The following VSIG4 variants were observed in gnomAD, a reference collection of about 807,000 sequenced individuals.
The protein encoded by VSIG4 is V-set and immunoglobulin domain containing 4, also known as V-set and immunoglobulin domain-containing protein 4.
Under a neutral mutation model 23.4 loss-of-function variants are expected in VSIG4, and 34 were observed. The observed-to-expected ratio is 1.45, with a 90% CI of 1.10 to 1.93. The LOEUF is 1.93. VSIG4 is among the 30% of genes most tolerant of loss of function. VSIG4 has a pLI of 0.00. For synonymous variants in VSIG4, 169 were observed against 120.3 expected, an observed-to-expected ratio of 1.41 and a Z score of -2.65; for missense variants, 433 against 310.8, an observed-to-expected ratio of 1.39 and a Z score of -2.96.
At chrX:66,033,111 C>T (rs147670940) in intron 2 of VSIG4, among the ~76,000 whole-genome samples, 2,235 of 111,188 alleles carry the variant, frequency 0.02, 26 homozygotes, top group Non-Finnish European at 0.034. Flanking sequence ...TCCTGGCTAA[C>T]CTCTGCCTCC....
Position 66,028,043 on chromosome X carries a change from A to C in VSIG4, c.757+7T>G, listed in dbSNP as rs368257990. On this transcript the variant is annotated splice_region_variant and intron_variant, in intron 4 of 7. Coordinates refer to ENST00000374737, the MANE Select transcript of VSIG4 (RefSeq NM_007268.3). The stretch of plus-strand genomic sequence containing the variant: ...CTACTACTTCCTCAGACTCTAGCAA[A>C]ACTCACCTTTCAAGGGGTATGTCAT... 1 of 1,207,185 alleles carries C rather than the reference A, an allele frequency of 8.3e-7. No individual in the cohort carries two copies. Among genetic ancestry groups the C allele is most frequent in the African/African-American group, 1.8e-5 (1 of 57,050 alleles).
intron 1 of VSIG4, among the ~76,000 whole-genome samples, chrX:66,034,119 G>A (rs920201006): frequency 8.9e-6 from 1 of 111,897 alleles, no homozygotes; most frequent in Non-Finnish European, 1.9e-5. Flanking sequence ...TTCTTACCGT[G>A]GAAGATTCAT....
chrX:66,025,025 C>G lies in VSIG4; in HGVS notation c.940G>C (p.Glu314Gln), dbSNP rs2085373632. 1 of 1,179,008 alleles carries G rather than the reference C, an allele frequency of 8.5e-7. No individual in the cohort carries two copies. The highest frequency in any genetic ancestry group is 1.1e-6 in the Non-Finnish European group (1 of 876,479). The stretch of plus-strand genomic sequence containing the variant: ...CCACCTTCTCATATTCATCACTAAC[C>G]TTGTTGGGATGTCTTCCGACAGAGC... ...IMLCRKTSQQ[E>Q]HVYEAARAHA... The change falls in exon 6 of 8, where the codon GAG (glutamate) becomes CAG (glutamine). Residue 314 changes from glutamate to glutamine, a missense_variant and splice_region_variant. Physicochemically the swap from Glu to Gln is conservative, Grantham distance 29. Transcript: ENST00000374737.
chrX:66,037,817 A>G (rs1357843527), intron 1 of VSIG4, among the ~76,000 whole-genome samples: 2 of 64,606 alleles, frequency 3.1e-5, no homozygotes, highest in African/African-American at 2.7e-4. Context: ...TATATACAGT[A>G]TTGAGCTTAA....
intron 6 of VSIG4, among the ~76,000 whole-genome samples, chrX:66,023,908 G>T (rs1209175385): frequency 8.9e-6 from 1 of 112,338 alleles, no homozygotes; most frequent in Non-Finnish European, 1.9e-5. Context: ...CCTCATCAAG[G>T]CTATATGCAA....
chrX:66,025,119 C>A lies in VSIG4; in HGVS notation c.846G>T (p.Leu282=). The A allele has an allele frequency of 8.4e-7, 1 of 1,190,325 alleles. No individual in the cohort carries two copies. The highest frequency in any genetic ancestry group is 1.1e-6 in the Non-Finnish European group (1 of 884,340). ...GETSAGPGKS[L]PVFAIILIIS... ...TGATGAGGATGATGGCAAAGACAGG[C>A]AGGCTCTTTCCTAGAGGGTAAAACA... The change falls in exon 6 of 8, where the codon CTG becomes CTT. Residue 282 remains leucine, a synonymous_variant. Transcript: ENST00000374737.
rs756858127 is a variant in VSIG4, at chrX:66,022,399, T to C, written c.1064A>G (p.Asn355Ser). 1 of 1,212,117 alleles carries C rather than the reference T, an allele frequency of 8.3e-7. No homozygotes were observed. Among genetic ancestry groups the C allele is most frequent in the South Asian group, 1.8e-5 (1 of 57,029 alleles). Residue 355 changes from asparagine to serine, a missense_variant, in exon 8 of 8, where the codon AAC becomes AGC. Coordinates refer to ENST00000374737, the MANE Select transcript of VSIG4 (RefSeq NM_007268.3). ...TATGCAGGGCTCATCAGAGTAGTTG[T>C]TGCCCAGATTCTGGGAAGTTGGCTC... ...SDEPTSQNLG[N>S]NYSDEPCIGQ...
intron 1 of VSIG4, among the ~76,000 whole-genome samples, chrX:66,036,242 C>T: frequency 9.1e-6 from 1 of 109,716 alleles, no homozygotes; most frequent in Middle Eastern, 4.7e-3. Flanking sequence ...TCCTCTTCCT[C>T]CTCCTGCTTC....
chrX:66,031,927 G>A (rs1205870953), intron 3 of VSIG4, among the ~76,000 whole-genome samples: 1 of 111,782 alleles, frequency 8.9e-6, no homozygotes, highest in Non-Finnish European at 1.9e-5. Flanking sequence ...AATCAAACAA[G>A]CAAAACAATA....
intron 2 of VSIG4, 53 bp downstream of exon 2, chrX:66,033,421 T>C: frequency 9.4e-7 from 1 of 1,060,463 alleles, no homozygotes. Flanking sequence ...TAGAATTACA[T>C]CCACTATTGA....
intron 1 of VSIG4, among the ~76,000 whole-genome samples, chrX:66,036,317 T>C (rs1222731961): frequency 1.8e-5 from 2 of 108,961 alleles, no homozygotes; most frequent in East Asian, 5.8e-4. Context: ...CATTGTACTA[T>C]TCCTCATGTT....
chrX:66,026,045 G>T (rs1471660856), intron 5 of VSIG4, among the ~76,000 whole-genome samples: 1 of 112,117 alleles, frequency 8.9e-6, no homozygotes, highest in Admixed American at 9.4e-5. Flanking sequence ...ATGGAAAAAT[G>T]AATACAGTGA....
intron 1 of VSIG4, among the ~76,000 whole-genome samples, chrX:66,034,850 A>G (rs1460163248): frequency 9.1e-6 from 1 of 109,997 alleles, no homozygotes; most frequent in East Asian, 2.9e-4. Flanking sequence ...GCTCTTATTT[A>G]GAAGATTTTT....
At chrX:66,038,814 C>A (rs1298531914) in intron 1 of VSIG4, among the ~76,000 whole-genome samples, 48 of 111,129 alleles carry the variant, frequency 4.3e-4, no homozygotes, top group Non-Finnish European at 3.8e-5. Context: ...GTCACAGAGC[C>A]CCAGGATAGG....
chrX:66,025,667 C>A (rs2085381754), intron 5 of VSIG4, among the ~76,000 whole-genome samples: 1 of 112,169 alleles, frequency 8.9e-6, no homozygotes, highest in African/African-American at 3.2e-5. Flanking sequence ...CTGTTATTTA[C>A]TTTCTGTATG....
rs753511493 is a variant in VSIG4 at position 66,022,825 on chromosome X, G to T, written c.962+16C>A. 5.0e-6 allele frequency: 6 copies of T among 1,210,141 alleles called. No homozygotes were observed. The East Asian group carries it at 1.8e-4, about 36-fold the overall frequency. Reference sequence around the variant, plus strand: ...CAGGGACGGGGTCAAAAATGGAAGAGGAGAGACTTTCTTACCTGGCTGCTT... The same window carrying T: ...CAGGGACGGGGTCAAAAATGGAAGATGAGAGACTTTCTTACCTGGCTGCTT... On this transcript the variant is annotated intron_variant, in intron 7 of 7. Transcript: ENST00000374737.
At chrX:66,030,401 A>G (rs889214353) in intron 3 of VSIG4, among the ~76,000 whole-genome samples, 4 of 111,820 alleles carry the variant, frequency 3.6e-5, no homozygotes, top group Middle Eastern at 4.6e-3. Context: ...ATATGTATGT[A>G]TTAGGCTTGC....
chrX:66,030,232 T>C (rs1248503781), intron 3 of VSIG4, among the ~76,000 whole-genome samples: 1 of 110,912 alleles, frequency 9.0e-6, no homozygotes, highest in East Asian at 2.8e-4. Flanking sequence ...GATTTGGTGA[T>C]ATGGAGGTTA....
At chrX:66,032,351 C>T in intron 3 of VSIG4, 117 bp downstream of exon 3, 1 of 945,187 alleles carries the variant, frequency 1.1e-6, no homozygotes, top group Non-Finnish European at 1.4e-6. Flanking sequence ...ATTGTACAAC[C>T]ATTGCCTGCT....
Sources: gnomAD v4.1 joint callset for allele counts (sites outside exome capture counted in the v4.1 genomes callset) on GRCh38, gnomAD v4.1.1 for gene constraint, MANE v1.5 for transcripts, NCBI Gene and HGNC (gene_info 2026-07-23, HGNC 2026-07-21) for gene names.